Variants in RSPO4 observed in about 807,000 individuals in gnomAD.
RSPO4 encodes R-spondin 4.
Under a neutral mutation model 24.8 loss-of-function variants are expected in RSPO4, and 23 were observed. The ratio of observed to expected loss-of-function variants is 0.93; its 90% CI spans 0.67 to 1.31. The LOEUF (loss-of-function observed/expected upper bound fraction) is 1.31. Ranked by LOEUF, RSPO4 falls within the 40% of genes most tolerant of loss-of-function variation. The pLI is 0.00. For synonymous variants in RSPO4, 141 were observed against 127.4 expected (o/e 1.11, Z -0.72); for missense variants, 333 against 316.5 (o/e 1.05, Z -0.39).
rs577512032 is a variant in RSPO4 at position 960,200 on chromosome 20, G to A, written c.*157C>T. On this transcript the variant is annotated 3_prime_UTR_variant, in exon 5 of 5. Coordinates refer to ENST00000217260, the MANE Select transcript of RSPO4 (RefSeq NM_001029871.4). ...AAGGAAATAAAAAAGAAAAAGAAAGGGAAGGTAGACTGACAGAAAAATGAT... is the reference window on the plus strand; with the variant it reads ...AAGGAAATAAAAAAGAAAAAGAAAGAGAAGGTAGACTGACAGAAAAATGAT... 1.1e-5 allele frequency: 7 copies of A among 611,294 alleles called. No homozygotes were observed. The highest frequency in any genetic ancestry group is 2.0e-5 in the Non-Finnish European group (7 of 343,650). 37.9% of individuals were successfully genotyped at this position (611,294 alleles called of 1,614,324 possible).
rs1487424841 is a variant in RSPO4 at position 970,620 on chromosome 20, T to G, written c.80-2482A>C. 3.9e-5 allele frequency among the ~76,000 whole-genome samples: 6 copies of G among 152,054 alleles called. No individual in the cohort carries two copies. The highest frequency in any genetic ancestry group is 1.4e-4 in the African/African-American group (6 of 41,470). On this transcript the variant is annotated intron_variant, in intron 1 of 4. Coordinates refer to ENST00000217260, the MANE Select transcript of RSPO4 (RefSeq NM_001029871.4). The surrounding 1 kb of genome is among the most constrained non-coding windows in gnomAD (Gnocchi z 4.1). ...AGCAAGTGTGATGTTGTAAGGGAGATTCCCAGAGCCAGAGAAATAAGAACA... is the reference window on the plus strand; with the variant it reads ...AGCAAGTGTGATGTTGTAAGGGAGAGTCCCAGAGCCAGAGAAATAAGAACA...
chr20:967,125 T>G, intron 3 of RSPO4, 49 bp downstream of exon 3: 1 of 1,589,354 alleles, frequency 6.3e-7, no homozygotes, highest in Non-Finnish European at 8.6e-7. Context: ...AAGCCCCCGC[T>G]CCAGGGAGAG....
chr20:978,953 G>A (rs1244685274), intron 1 of RSPO4, among the ~76,000 whole-genome samples: 1 of 151,898 alleles, frequency 6.6e-6, no homozygotes, highest in Non-Finnish European at 1.5e-5. Context: ...GTAAGAATAG[G>A]CACACATCCA....
Position 967,939 on chromosome 20 carries a change from A to G in RSPO4, c.268+11T>C. On this transcript the variant is annotated intron_variant, in intron 2 of 4. Transcript: ENST00000217260. ...CCAGCACTAGCATAGAACAAGGGAGAAGCCACGTACTTTTGCACCTGTTGA... is the reference window on the plus strand; with the variant it reads ...CCAGCACTAGCATAGAACAAGGGAGGAGCCACGTACTTTTGCACCTGTTGA... The G allele has an allele frequency of 6.2e-7, 1 of 1,613,834 alleles. No homozygotes were observed. Among genetic ancestry groups the G allele is most frequent in the South Asian group, 1.1e-5 (1 of 91,074 alleles).
chr20:968,491 G>A (rs1373058183), intron 1 of RSPO4, among the ~76,000 whole-genome samples: 6 of 152,218 alleles, frequency 3.9e-5, no homozygotes, highest in Admixed American at 6.5e-5. Context: ...GTGAGGCGGT[G>A]GAAAAATCAG....
chr20:985,650 T>A (rs1330072133), intron 1 of RSPO4, among the ~76,000 whole-genome samples: 4 of 152,234 alleles, frequency 2.6e-5, no homozygotes, highest in African/African-American at 7.2e-5. Flanking sequence ...GAGTCAGACA[T>A]CCTCTCTAGG....
At chr20:985,268 T>TCCAC (rs199673352) in intron 1 of RSPO4, among the ~76,000 whole-genome samples, 25,062 of 119,096 alleles carry the variant, frequency 0.21, 6,318 homozygotes, top group African/African-American at 0.6. Context: ...TATCCATCCA[T>TCCAC]CCACCCACCC....
intron 1 of RSPO4, among the ~76,000 whole-genome samples, chr20:997,204 TCA>T (rs1985321614): frequency 6.6e-6 from 1 of 152,070 alleles, no homozygotes; most frequent in Non-Finnish European, 1.5e-5. Context: ...CCCTCCTTCC[TCA>T]GTGGCCTCAA....
At chr20:998,621 G>C (rs973130759) in intron 1 of RSPO4, among the ~76,000 whole-genome samples, 1 of 152,164 alleles carries the variant, frequency 6.6e-6, no homozygotes, top group Non-Finnish European at 1.5e-5. Context: ...TCGGGATTGT[G>C]CAGACCTGGC....
Position 963,988 on chromosome 20 carries a change from C to A in RSPO4, c.542G>T (p.Cys181Phe). ...TTTCCTTGACTCAGAAAGCACCTGG[C>A]AGGTGGCTGCCTCCTCATGCCCAGC... ...GRAGHEEAAT[C>F]QVLSESRKCP... is the part of the protein sequence containing the mutation. Residue 181 changes from cysteine to phenylalanine, a missense_variant, in exon 4 of 5, where the codon TGC (cysteine) becomes TTC (phenylalanine). By Grantham distance (205) the Cys-to-Phe change is radical. Coordinates refer to ENST00000217260, the MANE Select transcript of RSPO4 (RefSeq NM_001029871.4). The A allele has an allele frequency of 6.2e-7, 1 of 1,614,004 alleles. No individual in the cohort carries two copies. Among genetic ancestry groups the A allele is most frequent in the Non-Finnish European group, 8.5e-7 (1 of 1,180,042 alleles).
chr20:974,633 C>T (rs1015726330), intron 1 of RSPO4, among the ~76,000 whole-genome samples: 2 of 152,186 alleles, frequency 1.3e-5, no homozygotes, highest in African/African-American at 2.4e-5. Context: ...AAGAGCTAGT[C>T]TTGGGGTTTT....
intron 1 of RSPO4, among the ~76,000 whole-genome samples, chr20:985,346 G>A (rs776615928): frequency 7.4e-5 from 11 of 148,130 alleles, no homozygotes; most frequent in Admixed American, 2.7e-4. Context: ...CCATCTATCC[G>A]TCCATCCATC....
At position 959,798 on chromosome 20, in the gene RSPO4, G is replaced by A. The variant is rs897802876; in HGVS notation, c.*559C>T. On this transcript the variant is annotated 3_prime_UTR_variant, in exon 5 of 5. Coordinates refer to ENST00000217260, the MANE Select transcript of RSPO4 (RefSeq NM_001029871.4). ...CCTCTGGGGACTGTCCAGAGAACCA[G>A]GTGCTCACAGCTCAGGGTCCTGGAG... is the stretch of plus-strand genomic sequence containing the variant. The A allele has an allele frequency of 1.9e-5, 3 of 154,874 alleles. No individual in the cohort carries two copies. Among genetic ancestry groups the A allele is most frequent in the African/African-American group, 7.2e-5 (3 of 41,456 alleles). 9.6% of individuals were successfully genotyped at this position (154,874 alleles called of 1,614,324 possible).
chr20:973,893 G>A (rs1334894535), intron 1 of RSPO4, among the ~76,000 whole-genome samples: 1 of 152,274 alleles, frequency 6.6e-6, no homozygotes, highest in Admixed American at 6.5e-5. Context: ...CAGTTGGCTA[G>A]GATGCCCTCT....
At chr20:986,041 T>C (rs112089769) in intron 1 of RSPO4, among the ~76,000 whole-genome samples, 38 of 152,364 alleles carry the variant, frequency 2.5e-4, no homozygotes, top group African/African-American at 8.7e-4. Context: ...CAAGTGGACA[T>C]TGAAGGAGGC....
Position 963,988 on chromosome 20 carries a change from C to T in RSPO4, c.542G>A (p.Cys181Tyr). 3 of 1,614,004 alleles carry T rather than the reference C, an allele frequency of 1.9e-6. No individual in the cohort carries two copies. The highest frequency in any genetic ancestry group is 1.3e-5 in the African/African-American group (1 of 75,058). Reference protein sequence around the residue: ...GRAGHEEAATCQVLSESRKCP... With the variant: ...GRAGHEEAATYQVLSESRKCP... The stretch of plus-strand genomic sequence containing the variant: ...TTTCCTTGACTCAGAAAGCACCTGG[C>T]AGGTGGCTGCCTCCTCATGCCCAGC... The change falls in exon 4 of 5, where the codon TGC (cysteine) becomes TAC (tyrosine). Residue 181 changes from cysteine to tyrosine, a missense_variant. Cys to Tyr is a radical substitution (Grantham distance 194). Coordinates refer to ENST00000217260, the MANE Select transcript of RSPO4 (RefSeq NM_001029871.4).
At chr20:993,677 T>C (rs1985182903) in intron 1 of RSPO4, among the ~76,000 whole-genome samples, 1 of 152,206 alleles carries the variant, frequency 6.6e-6, no homozygotes, top group Non-Finnish European at 1.5e-5. Flanking sequence ...ATTGTCTGGA[T>C]GGAATCCTGG....
chr20:1,002,175 G>C lies in RSPO4; in HGVS notation c.-11C>G. The stretch of plus-strand genomic sequence containing the variant: ...GAGTGGCGCCCGCATCTGGGCAGCC[G>C]GATCCGGGCTGGCGCTCCCCAGGCG... On this transcript the variant is annotated 5_prime_UTR_variant, in exon 1 of 5. Coordinates refer to ENST00000217260, the MANE Select transcript of RSPO4 (RefSeq NM_001029871.4). The surrounding 1 kb of genome is among the most constrained non-coding windows in gnomAD (Gnocchi z 4.6). 1 of 1,532,716 alleles carries C rather than the reference G, an allele frequency of 6.5e-7. No homozygotes were observed. The highest frequency in any genetic ancestry group is 1.2e-5 in the South Asian group (1 of 83,012). 94.9% of individuals were successfully genotyped at this position (1,532,716 alleles called of 1,614,324 possible). A position where few individuals can be genotyped will look rare whatever the true frequency, so the allele number is the denominator to read the frequency against.
rs1376461501 is a variant in RSPO4 at position 1,002,124 on chromosome 20, G to T, written c.41C>A (p.Ala14Asp). 2 of 1,565,910 alleles carry T rather than the reference G, an allele frequency of 1.3e-6. No individual in the cohort carries two copies. Among genetic ancestry groups the T allele is most frequent in the Non-Finnish European group, 1.7e-6 (2 of 1,155,090 alleles). The change falls in exon 1 of 5, where the codon GCC (alanine) becomes GAC (aspartate). Residue 14 changes from alanine (A) to aspartate (D), a missense_variant. Coordinates refer to ENST00000217260, the MANE Select transcript of RSPO4 (RefSeq NM_001029871.4). The surrounding 1 kb of genome is among the most constrained non-coding windows in gnomAD (Gnocchi z 4.6). ...TCGGTTCAGGGCGAGCATGTCCACG[G>T]CGTGGGCGACGAGCAGGAGCAGGCA... ...PLCLLLLVAH[A>D]VDMLALNRRK... is the part of the protein sequence containing the mutation.
Sources: gnomAD v4.1 joint callset for allele counts (sites outside exome capture counted in the v4.1 genomes callset) on GRCh38, gnomAD v4.1.1 for gene constraint, Gnocchi (gnomAD v3.1) non-coding constraint, MANE v1.5 for transcripts, NCBI Gene and HGNC (gene_info 2026-07-23, HGNC 2026-07-21) for gene names.